ZFP91: variants seen among roughly 807,000 people sequenced by gnomAD.
ZFP91 encodes E3 ubiquitin-protein ligase ZFP91.
Under a neutral mutation model 63.5 loss-of-function variants are expected in ZFP91, and 7 were observed. That is an observed-to-expected ratio of 0.11 (90% CI 0.06 to 0.21). The LOEUF is 0.21. Among genes scored for constraint, ZFP91 ranks in the 10% least tolerant of loss-of-function variants. The pLI is 1.00. For missense variants in ZFP91, 628 were observed against 736.6 expected, an observed-to-expected ratio of 0.85 and a Z score of 1.71; for synonymous variants, 330 against 272.1, an observed-to-expected ratio of 1.21 and a Z score of -2.10.
Position 58,610,311 on chromosome 11 carries a change from G to A in ZFP91, c.594G>A (p.Glu198=), listed in dbSNP as rs756947123. 3.8e-6 allele frequency: 6 copies of A among 1,598,266 alleles called. No individual in the cohort carries two copies. Among genetic ancestry groups the A allele is most frequent in the African/African-American group, 1.4e-5 (1 of 73,928 alleles). ...TDQLDYDVGE[E]HQSPGGISSE... ...TTGTTTTTCTAGATGTTGGAGAAGA[G>A]CATCAGTCTCCAGGTGGCATTAGGT... Residue 198 remains glutamate, a synonymous_variant, in exon 4 of 11, where the codon GAG becomes GAA. Coordinates refer to ENST00000316059, the MANE Select transcript of ZFP91 (RefSeq NM_053023.5).
intron 2 of ZFP91, among the ~76,000 whole-genome samples, chr11:58,590,713 T>A (rs1855289816): frequency 6.6e-6 from 1 of 152,206 alleles, no homozygotes; most frequent in Non-Finnish European, 1.5e-5. Flanking sequence ...TTATCCCATA[T>A]ATCCCTGAGT....
chr11:58,589,267 G>T (rs1855264369), intron 2 of ZFP91, among the ~76,000 whole-genome samples: 1 of 152,076 alleles, frequency 6.6e-6, no homozygotes, highest in South Asian at 2.1e-4. Flanking sequence ...TAGAGACAGG[G>T]TCTCACTGTG....
intron 2 of ZFP91, among the ~76,000 whole-genome samples, chr11:58,586,340 C>CT (rs1291776153): frequency 2.6e-5 from 4 of 151,928 alleles, no homozygotes; most frequent in Admixed American, 1.3e-4. Flanking sequence ...GGGTAGACGT[C>CT]TTTTTTTTGT....
chr11:58,599,635 A>C (rs1419323603), intron 2 of ZFP91, among the ~76,000 whole-genome samples: 1 of 151,904 alleles, frequency 6.6e-6, no homozygotes, highest in Non-Finnish European at 1.5e-5. Context: ...CCTTTTGTAT[A>C]TCTCTGGAGA....
Position 58,586,402 on chromosome 11 carries a change from A to G in ZFP91, c.370+1518A>G, listed in dbSNP as rs543269412. 6.6e-5 allele frequency among the ~76,000 whole-genome samples: 10 copies of G among 151,358 alleles called. No individual in the cohort carries two copies. The South Asian group carries it at 1.2e-3, about 19-fold the overall frequency. ...AGGCTGGATTCGAGCTCCTGGCCTC[A>G]AGTGATCCGCCTGCCTCGTGTGTAA... On this transcript the variant is annotated intron_variant, in intron 2 of 10. Coordinates refer to ENST00000316059, the MANE Select transcript of ZFP91 (RefSeq NM_053023.5).
At chr11:58,591,686 C>T (rs1231977760) in intron 2 of ZFP91, among the ~76,000 whole-genome samples, 1 of 152,096 alleles carries the variant, frequency 6.6e-6, no homozygotes, top group African/African-American at 2.4e-5. Context: ...TAAATGGACT[C>T]AGACATACAA....
Position 58,620,369 on chromosome 11 carries a change from C to G in ZFP91, c.*2663C>G, listed in dbSNP as rs948123281. 5 of 152,180 alleles carry G rather than the reference C, an allele frequency of 3.3e-5. No homozygotes were observed. Among genetic ancestry groups the G allele is most frequent in the Non-Finnish European group, 1.5e-5 (1 of 68,032 alleles). The allele number at this position is 152,180 out of a possible 1,614,324, so 9.4% of individuals were successfully genotyped here. A position where few individuals can be genotyped will look rare whatever the true frequency, so the allele number is the denominator to read the frequency against. On this transcript the variant is annotated 3_prime_UTR_variant, in exon 11 of 11. Coordinates refer to ENST00000316059, the MANE Select transcript of ZFP91 (RefSeq NM_053023.5). ...ATCTTAAAGTTCTACATTTCATGCT[C>G]TTAGTCAAATTCTGTTACCTTTTTA...
chr11:58,580,666 A>G (rs1214716765), intron 1 of ZFP91, among the ~76,000 whole-genome samples: 3 of 152,236 alleles, frequency 2.0e-5, no homozygotes, highest in Non-Finnish European at 4.4e-5. Context: ...GACTTGGTCC[A>G]AAATTAAGAG....
chr11:58,600,776 G>A (rs1398520184), intron 2 of ZFP91, among the ~76,000 whole-genome samples: 4 of 152,148 alleles, frequency 2.6e-5, no homozygotes, highest in Non-Finnish European at 4.4e-5. Flanking sequence ...TGCGTATGAT[G>A]TGAGCTCTGG....
intron 1 of ZFP91, among the ~76,000 whole-genome samples, chr11:58,579,977 C>T (rs1485596242): frequency 6.6e-6 from 1 of 152,174 alleles, no homozygotes; most frequent in Non-Finnish European, 1.5e-5. Flanking sequence ...GGCGGCTCTC[C>T]AGTATTACAT....
chr11:58,605,917 C>G (rs1855562657), intron 2 of ZFP91, among the ~76,000 whole-genome samples: 1 of 151,834 alleles, frequency 6.6e-6, no homozygotes, highest in African/African-American at 2.4e-5. Flanking sequence ...CTTTATTTTC[C>G]TTTATTCTTT....
At chr11:58,588,640 G>GTCAACTT (rs1855251764) in intron 2 of ZFP91, among the ~76,000 whole-genome samples, 1 of 151,668 alleles carries the variant, frequency 6.6e-6, no homozygotes, top group Non-Finnish European at 1.5e-5. Flanking sequence ...CATTCATCTT[G>GTCAACTT]GCCTCTTGTC....
chr11:58,580,054 G>T (rs796950529), intron 1 of ZFP91, among the ~76,000 whole-genome samples: 3 of 149,996 alleles, frequency 2.0e-5, no homozygotes, highest in Non-Finnish European at 4.4e-5. Context: ...CCGCCTTCGC[G>T]TTAGCTCAAG....
Position 58,617,168 on chromosome 11 carries a change from C to G in ZFP91, c.1203-28C>G. On this transcript the variant is annotated intron_variant, in intron 10 of 10. Transcript: ENST00000316059. This position sits in a 1 kb window ranked among gnomAD's most constrained non-coding sequence, Gnocchi z 4.2. Reference sequence around the variant, plus strand: ...AGCACTCTTTATTTCTCTGTTGGATCAGCCATTTCCTTTTCTCCTCTCCTT... The same window carrying G: ...AGCACTCTTTATTTCTCTGTTGGATGAGCCATTTCCTTTTCTCCTCTCCTT... 2 of 1,539,426 alleles carry G rather than the reference C, an allele frequency of 1.3e-6. No homozygotes were observed. Among genetic ancestry groups the G allele is most frequent in the Non-Finnish European group, 1.7e-6 (2 of 1,147,772 alleles).
chr11:58,586,484 G>C (rs1254447572), intron 2 of ZFP91, among the ~76,000 whole-genome samples: 2 of 152,166 alleles, frequency 1.3e-5, no homozygotes, highest in African/African-American at 4.8e-5. Context: ...CAGCTGTGGA[G>C]AGATTAAAAC....
intron 8 of ZFP91, among the ~76,000 whole-genome samples, chr11:58,613,289 G>A (rs1370808097): frequency 6.6e-6 from 1 of 152,154 alleles, no homozygotes; most frequent in Non-Finnish European, 1.5e-5. Flanking sequence ...CATGGTGGAA[G>A]GGCAAGAATG....
In ZFP91 at chr11:58,579,582, T is replaced by C; in HGVS notation, c.301T>C (p.Ser101Pro). 6.3e-7 allele frequency: 1 copy of C among 1,582,412 alleles called. No homozygotes were observed. Among genetic ancestry groups the C allele is most frequent in the Non-Finnish European group, 8.6e-7 (1 of 1,167,626 alleles). Residue 101 changes from serine to proline, a missense_variant, in exon 1 of 11, where the codon TCC becomes CCC. By Grantham distance (74) the Ser-to-Pro change is moderately conservative. This residue lies in a region of ZFP91 where 437 missense variants were observed against 380.3 expected (regional missense o/e 1.15). Transcript: ENST00000316059. ...VPGQQPQAAK[S>P]PSPVQGKKSP... ...CGGGCAGCAGCCCCAGGCCGCGAAG[T>C]CCCCGTCTCCAGTTCAGGGCAAGAA... is the stretch of plus-strand genomic sequence containing the variant.
chr11:58,606,093 C>T (rs899064249), intron 2 of ZFP91, among the ~76,000 whole-genome samples: 4 of 152,108 alleles, frequency 2.6e-5, no homozygotes, highest in African/African-American at 9.6e-5. Context: ...TGTGGTTTCA[C>T]TCTTGTCGCC....
At position 58,595,866 on chromosome 11, in the gene ZFP91, C is replaced by T. The variant is rs564499186; in HGVS notation, c.370+10982C>T. ...TGCTGGGTATAGGCTTGAGCCAGCA[C>T]GCCTGGCCTAGCATTAATCTCTTAT... On this transcript the variant is annotated intron_variant, in intron 2 of 10. Coordinates refer to ENST00000316059, the MANE Select transcript of ZFP91 (RefSeq NM_053023.5). Among the ~76,000 whole-genome samples, 61 of 152,166 alleles carry T rather than the reference C, an allele frequency of 4.0e-4. No individual in the cohort carries two copies. The South Asian group carries it at 6.2e-3, about 16-fold the overall frequency.
Sources: allele counts gnomAD v4.1 joint callset (sites outside exome capture counted in the v4.1 genomes callset), GRCh38; gene constraint gnomAD v4.1.1; regional missense constraint gnomAD v4.1.1; non-coding constraint Gnocchi (gnomAD v3.1); transcripts MANE v1.5; gene names NCBI Gene and HGNC (gene_info 2026-07-23, HGNC 2026-07-21).